Variants in A2M observed in about 807,000 individuals in gnomAD.
The protein encoded by A2M is alpha-2-macroglobulin, also known as C3 and PZP-like alpha-2-macroglobulin domain-containing protein 5.
Under a neutral mutation model 183.9 loss-of-function variants are expected in A2M, and 128 were observed. That is an observed-to-expected ratio of 0.70 (90% confidence interval 0.60 to 0.81). A2M has a LOEUF of 0.81. Ranked by LOEUF, A2M falls within the 30% of genes least tolerant of loss-of-function variation. The pLI, the probability that A2M is intolerant of heterozygous loss-of-function variation, is 0.00. For synonymous variants in A2M, 592 were observed against 670.8 expected (o/e 0.88, Z 1.81); for missense variants, 1,495 against 1,787.6 (o/e 0.84, Z 2.95).
At position 9,089,892 on chromosome 12, in the gene A2M, G is replaced by A; in HGVS notation, c.2718+10C>T. ...TTATTGTGGACTATATATTATTTAG[G>A]TTTACTTACTTCAACCAACAGAGGC... On this transcript the variant is annotated intron_variant, in intron 21 of 35. Coordinates refer to ENST00000318602, the MANE Select transcript of A2M (RefSeq NM_000014.6). The A allele has an allele frequency of 6.2e-6, 10 of 1,602,758 alleles. No individual in the cohort carries two copies. The highest frequency in any genetic ancestry group is 8.5e-6 in the Non-Finnish European group (10 of 1,172,182).
intron 4 of A2M, chr12:9,111,397 G>A: frequency 5.1e-6 from 2 of 392,378 alleles, no homozygotes; most frequent in Admixed American, 2.9e-5. Flanking sequence ...CCTCATTTTA[G>A]ACAGAGGAGT....
chr12:9,114,137 G>A (rs1338313629), intron 1 of A2M, among the ~76,000 whole-genome samples: 3 of 152,144 alleles, frequency 2.0e-5, no homozygotes, highest in East Asian at 1.9e-4. Flanking sequence ...AACCATGGAT[G>A]TTTGCATTTT....
At chr12:9,097,386 T>C (rs998233444) in intron 15 of A2M, among the ~76,000 whole-genome samples, 2 of 152,176 alleles carry the variant, frequency 1.3e-5, no homozygotes, top group Non-Finnish European at 2.9e-5. Context: ...ATTGGTCTCA[T>C]ATTAAAAATT....
At chr12:9,091,548 A>G (rs1949215314) in intron 18 of A2M, 119 bp from the exon 19 acceptor site, 1 of 993,894 alleles carries the variant, frequency 1.0e-6, no homozygotes, top group South Asian at 1.7e-5. Context: ...AGAAATACCA[A>G]TAATGGAGAG....
intron 2 of A2M, among the ~76,000 whole-genome samples, chr12:9,113,013 C>T (rs1938858002): frequency 6.6e-6 from 1 of 151,940 alleles, no homozygotes; most frequent in African/African-American, 2.4e-5. Flanking sequence ...TGATGTGTTC[C>T]TGTCAGTCCA....
Position 9,077,355 on chromosome 12 carries a change from G to A in A2M, c.3342C>T (p.Leu1114=), listed in dbSNP as rs1209023781. The change falls in exon 27 of 36, where the codon CTC becomes CTT. Residue 1114 remains leucine, a synonymous_variant. Coordinates refer to ENST00000318602, the MANE Select transcript of A2M (RefSeq NM_000014.6). ...YITIALLEIP[L]TVTHPVVRNA... is the part of the protein sequence containing the mutation. ...ATGGGGTGGTACCTACAGTGACTGT[G>A]AGAGGAATCTCCAGAAGGGCGATGG... 1.2e-6 allele frequency: 2 copies of A among 1,613,118 alleles called. No homozygotes were observed. Among genetic ancestry groups the A allele is most frequent in the Non-Finnish European group, 1.7e-6 (2 of 1,179,572 alleles).
chr12:9,109,548 C>A, intron 6 of A2M, 143 bp from the exon 7 acceptor site: 1 of 670,776 alleles, frequency 1.5e-6, no homozygotes, highest in South Asian at 1.9e-5. Flanking sequence ...TCTTATCTAT[C>A]CTCCTCTCAA....
rs759053495 is a variant in A2M, at chr12:9,069,890, T to G, written c.4195-77A>C. 5.7e-4 allele frequency: 706 copies of G among 1,245,852 alleles called. 5 individuals are homozygous for G. Among genetic ancestry groups the G allele is most frequent in the Admixed American group, 2.7e-3 (156 of 58,160 alleles). 77.2% of individuals were successfully genotyped at this position (1,245,852 alleles called of 1,614,324 possible). A position where few individuals can be genotyped will look rare whatever the true frequency, so the allele number is the denominator to read the frequency against. On this transcript the variant is annotated intron_variant, in intron 32 of 35. Coordinates refer to ENST00000318602, the MANE Select transcript of A2M (RefSeq NM_000014.6). ...GGGATCCAGAGAAAAAATCTTTGTA[T>G]TGCCAAAATAACCCTGAGGGTAGAA...
In A2M at chr12:9,110,044, G is replaced by A. The variant is rs372888320; in HGVS notation, c.505-9C>T. On this transcript the variant is annotated splice_polypyrimidine_tract_variant and intron_variant, in intron 5 of 35. Coordinates refer to ENST00000318602, the MANE Select transcript of A2M (RefSeq NM_000014.6). ...CGATTTCCTTTGGGATCCTATATGA[G>A]TAAATTAATTATAACTTACAAAAGC... 102 of 1,598,522 alleles carry A rather than the reference G, an allele frequency of 6.4e-5. No homozygotes were observed. The highest frequency in any genetic ancestry group is 7.4e-5 in the Non-Finnish European group (87 of 1,174,488).
intron 25 of A2M, 23 bp downstream of exon 25, chr12:9,079,221 T>G (rs761551794): frequency 6.2e-7 from 1 of 1,601,730 alleles, no homozygotes; most frequent in Non-Finnish European, 8.5e-7. Context: ...AAAAAGAAGC[T>G]CAAAAAATTG....
chr12:9,090,268 T>C (rs923482010), intron 20 of A2M, 88 bp downstream of exon 20: 53 of 1,586,352 alleles, frequency 3.3e-5, no homozygotes, highest in Non-Finnish European at 4.2e-5. Flanking sequence ...AGTGGTCTTT[T>C]CCTGAAGGAA....
intron 16 of A2M, 44 bp from the exon 17 acceptor site, chr12:9,095,128 A>T (rs1173275504): frequency 9.9e-7 from 1 of 1,012,680 alleles, no homozygotes; most frequent in Non-Finnish European, 1.4e-6. Context: ...TATATTATAA[A>T]ATATACATAG....
At chr12:9,095,808 G>A in intron 15 of A2M, 108 bp from the exon 16 acceptor site, 6 of 905,824 alleles carry the variant, frequency 6.6e-6, no homozygotes, top group Admixed American at 3.1e-5. Flanking sequence ...GCCGGACCGC[G>A]GACTGCAGTG....
chr12:9,099,332 G>T, intron 14 of A2M, 49 bp downstream of exon 14: 1 of 1,511,708 alleles, frequency 6.6e-7, no homozygotes, highest in South Asian at 1.2e-5. Flanking sequence ...GATAACAATA[G>T]TAACTTCTAG....
Position 9,112,360 on chromosome 12 carries a change from T to C in A2M, c.430+17A>G. 6.2e-7 allele frequency: 1 copy of C among 1,610,990 alleles called. No individual in the cohort carries two copies. The highest frequency in any genetic ancestry group is 8.5e-7 in the Non-Finnish European group (1 of 1,177,534). On this transcript the variant is annotated intron_variant, in intron 3 of 35. Transcript: ENST00000318602. ...CTTTCCTTTTTGAAGTTGTCCTGTC[T>C]GTAGGCTTCTTCATACCTGTCTGCC...
chr12:9,072,490 T>C lies in A2M; in HGVS notation c.3976-4A>G, dbSNP rs748430657. 2 of 1,608,926 alleles carry C rather than the reference T, an allele frequency of 1.2e-6. No individual in the cohort carries two copies. Among genetic ancestry groups the C allele is most frequent in the Non-Finnish European group, 1.7e-6 (2 of 1,178,322 alleles). On this transcript the variant is annotated splice_region_variant and splice_polypyrimidine_tract_variant and intron_variant, in intron 30 of 35. Coordinates refer to ENST00000318602, the MANE Select transcript of A2M (RefSeq NM_000014.6). ...GAATATTGTATTTCAAGGATGTCTA[T>C]AGAACATCAAAGACAAAATCAGTTT...
intron 13 of A2M, among the ~76,000 whole-genome samples, chr12:9,100,740 A>G (rs1425015156): frequency 6.6e-6 from 1 of 152,198 alleles, no homozygotes; most frequent in East Asian, 1.9e-4. Flanking sequence ...AGTATTCCTG[A>G]TATTCCCAGC....
chr12:9,093,961 G>A (rs1592365652), intron 17 of A2M, among the ~76,000 whole-genome samples: 1 of 152,016 alleles, frequency 6.6e-6, no homozygotes, highest in Non-Finnish European at 1.5e-5. Context: ...TGGGGGAGGA[G>A]GGTCATAAGC....
chr12:9,109,728 G>T, intron 6 of A2M, 139 bp downstream of exon 6: 1 of 809,356 alleles, frequency 1.2e-6, no homozygotes, highest in Non-Finnish European at 1.9e-6. Flanking sequence ...GTCCTCATTG[G>T]ACTTAGGTGT....
Sources: allele counts gnomAD v4.1 joint callset (sites outside exome capture counted in the v4.1 genomes callset), GRCh38; gene constraint gnomAD v4.1.1; transcripts MANE v1.5; gene names NCBI Gene and HGNC (gene_info 2026-07-23, HGNC 2026-07-21).